Variants in ARB2A observed in about 807,000 individuals in gnomAD.
ARB2A encodes ARB2 cotranscriptional regulator A.
At chr5:93,677,146 T>C in the ARB2A span, among the ~76,000 whole-genome samples, 2 of 152,244 alleles carry the variant, frequency 1.3e-5, no homozygotes, top group African/African-American at 4.8e-5. Flanking sequence ...TGCAGATTCA[T>C]AACATATTAT....
At chr5:93,991,418 A>G in the ARB2A span, among the ~76,000 whole-genome samples, 1 of 152,160 alleles carries the variant, frequency 6.6e-6, no homozygotes, top group Non-Finnish European at 1.5e-5. Flanking sequence ...AAATTCACAG[A>G]AACAGGAAAA....
chr5:93,655,078 T>C, the ARB2A span, among the ~76,000 whole-genome samples: 4 of 152,226 alleles, frequency 2.6e-5, no homozygotes, highest in African/African-American at 9.6e-5. Context: ...CCTCTGTTTC[T>C]TCACGTATAA....
chr5:93,809,663 A>G, the ARB2A span, among the ~76,000 whole-genome samples: 2 of 152,046 alleles, frequency 1.3e-5, no homozygotes, highest in Admixed American at 1.3e-4. Context: ...AGTATTAGGT[A>G]TCAGATGAAG....
the ARB2A span, among the ~76,000 whole-genome samples, chr5:93,687,480 T>C: frequency 3.3e-5 from 5 of 152,296 alleles, no homozygotes; most frequent in Admixed American, 1.3e-4. Context: ...TAACTTTCAA[T>C]AGATACTGTC....
At chr5:93,904,000 G>A in the ARB2A span, among the ~76,000 whole-genome samples, 125 of 151,900 alleles carry the variant, frequency 8.2e-4, no homozygotes, top group African/African-American at 2.8e-3. Flanking sequence ...TTTCTAAAAC[G>A]AATTATCAGA....
At chr5:93,850,116 T>C in the ARB2A span, among the ~76,000 whole-genome samples, 1 of 152,206 alleles carries the variant, frequency 6.6e-6, no homozygotes, top group Non-Finnish European at 1.5e-5. Flanking sequence ...CCCATGATCT[T>C]AAATTAACCC....
the ARB2A span, among the ~76,000 whole-genome samples, chr5:93,929,456 T>A: frequency 6.6e-6 from 1 of 152,136 alleles, no homozygotes; most frequent in Non-Finnish European, 1.5e-5. Flanking sequence ...AAAAAACAAG[T>A]GTGCCAACAA....
At chr5:94,066,768 T>G in the ARB2A span, among the ~76,000 whole-genome samples, 1 of 152,100 alleles carries the variant, frequency 6.6e-6, no homozygotes, top group African/African-American at 2.4e-5. Context: ...AAAGAAAAAC[T>G]AACACAATTT....
chr5:93,886,312 G>A, the ARB2A span, among the ~76,000 whole-genome samples: 10 of 151,572 alleles, frequency 6.6e-5, no homozygotes, highest in Non-Finnish European at 1.2e-4. Flanking sequence ...GGGTTAGAGT[G>A]GAATCCTTTG....
At chr5:93,623,866 T>C in the ARB2A span, among the ~76,000 whole-genome samples, 760 of 152,276 alleles carry the variant, frequency 5.0e-3, 2 homozygotes, top group Non-Finnish European at 7.7e-3. Flanking sequence ...TCTAAATTTT[T>C]GGAAGTAGAT....
At chr5:93,942,278 T>G in the ARB2A span, among the ~76,000 whole-genome samples, 1,522 of 152,308 alleles carry the variant, frequency 1.0e-2, 19 homozygotes, top group Non-Finnish European at 0.016. Flanking sequence ...AATTCAGTAA[T>G]GTGCTAAGCT....
chr5:94,048,051 C>CTTTTTTTTTTTTTTTT, the ARB2A span, among the ~76,000 whole-genome samples: 20 of 96,086 alleles, frequency 2.1e-4, 1 homozygote, highest in African/African-American at 7.2e-4. Flanking sequence ...AATCGGTAAG[C>CTTTTTTTTTTTTTTTT]TTTTTTTTTT....
the ARB2A span, among the ~76,000 whole-genome samples, chr5:93,846,057 C>T: frequency 2.0e-5 from 3 of 150,808 alleles, no homozygotes; most frequent in Admixed American, 6.6e-5. Context: ...CCAGACAGTG[C>T]TACTTAATTA....
At chr5:94,086,634 C>T in the ARB2A span, among the ~76,000 whole-genome samples, 9 of 152,162 alleles carry the variant, frequency 5.9e-5, no homozygotes, top group East Asian at 1.9e-4. Flanking sequence ...CTCACTGCAA[C>T]CTCTGCCTCC....
chr5:93,712,140 G>C, the ARB2A span, among the ~76,000 whole-genome samples: 1 of 152,262 alleles, frequency 6.6e-6, no homozygotes, highest in Non-Finnish European at 1.5e-5. Context: ...TCCATCCACA[G>C]AGTCTTACTA....
At chr5:93,740,825 G>A in the ARB2A span, 1 of 1,613,808 alleles carries the variant, frequency 6.2e-7, no homozygotes, top group Non-Finnish European at 8.5e-7. Context: ...TGCAGCTGGA[G>A]GCACCCAGCA....
chr5:93,882,536 G>A, the ARB2A span, among the ~76,000 whole-genome samples: 30 of 149,620 alleles, frequency 2.0e-4, no homozygotes, highest in African/African-American at 6.6e-4. Context: ...TTTCTAGCCT[G>A]GCAAACATTT....
At chr5:94,002,111 T>C in the ARB2A span, among the ~76,000 whole-genome samples, 1 of 151,980 alleles carries the variant, frequency 6.6e-6, no homozygotes, top group African/African-American at 2.4e-5. Context: ...GATAAAAGGA[T>C]AGAGTTGATT....
the ARB2A span, chr5:94,111,689 T>C: frequency 0.089 from 13,509 of 152,444 alleles, 762 homozygotes; most frequent in Middle Eastern, 0.16. Flanking sequence ...CATTACGCAC[T>C]TGACGGCAGC....
Sources: gnomAD v4.1 joint callset for allele counts (sites outside exome capture counted in the v4.1 genomes callset) on GRCh38, gnomAD v4.1.1 for gene constraint, MANE v1.5 for transcripts, NCBI Gene and HGNC (gene_info 2026-07-23, HGNC 2026-07-21) for gene names.